Variants in SCD5 observed in about 807,000 individuals in gnomAD.
The protein encoded by SCD5 is stearoyl-CoA desaturase 5, also known as acyl-CoA-desaturase 4.
In SCD5, 20 loss-of-function variants were observed where a neutral mutation model predicts 30.4. That is an observed-to-expected ratio of 0.66 (90% confidence interval 0.46 to 0.96). The LOEUF is 0.96. SCD5 is among the 40% of genes least tolerant of loss of function. The pLI, the probability that SCD5 is intolerant of heterozygous loss-of-function variation, is 0.00. For missense variants in SCD5, 381 were observed against 443.3 expected (o/e 0.86, Z 1.26); for synonymous variants, 173 against 176.4 (o/e 0.98, Z 0.16).
At chr4:82,771,675 C>T (rs1721625948) in intron 1 of SCD5, among the ~76,000 whole-genome samples, 1 of 152,224 alleles carries the variant, frequency 6.6e-6, no homozygotes, top group Admixed American at 6.5e-5. Context: ...TGCCTCTCCA[C>T]CTGCCTCCTG....
intron 3 of SCD5, among the ~76,000 whole-genome samples, chr4:82,669,395 A>G (rs553656806): frequency 4.5e-4 from 69 of 152,318 alleles, no homozygotes; most frequent in South Asian, 4.3e-3. Context: ...AAGAAGTAAA[A>G]TGCTGAACAA....
chr4:82,779,775 A>G (rs1005547475), intron 1 of SCD5, among the ~76,000 whole-genome samples: 28 of 152,280 alleles, frequency 1.8e-4, no homozygotes, highest in African/African-American at 6.0e-4. Context: ...TCCTTACCCA[A>G]AACCTTGGGG....
At chr4:82,773,894 A>C (rs957535378) in intron 1 of SCD5, among the ~76,000 whole-genome samples, 5 of 152,108 alleles carry the variant, frequency 3.3e-5, no homozygotes, top group Non-Finnish European at 5.9e-5. Context: ...GTTTGAGACC[A>C]GCCTAGCCAA....
At chr4:82,789,940 T>TTTGTTG (rs371742153) in intron 1 of SCD5, among the ~76,000 whole-genome samples, 1 of 152,004 alleles carries the variant, frequency 6.6e-6, no homozygotes, top group African/African-American at 2.4e-5. Context: ...TTAGGGGTTT[T>TTTGTTG]TTGTTGTTGT....
chr4:82,688,052 C>A (rs1440820792), intron 2 of SCD5, among the ~76,000 whole-genome samples: 1 of 152,170 alleles, frequency 6.6e-6, no homozygotes, highest in East Asian at 1.9e-4. Flanking sequence ...TTGCTCCCAA[C>A]CAGACACCAA....
rs1368287717 is a variant in SCD5 at position 82,697,775 on chromosome 4, G to A, written c.363+7508C>T. ...TTCTCTCTCTCTTTCTTGCTCTCTCGCTCACCTGCTAGGCCACCTCCCACC... is the reference window on the plus strand; with the variant it reads ...TTCTCTCTCTCTTTCTTGCTCTCTCACTCACCTGCTAGGCCACCTCCCACC... On this transcript the variant is annotated intron_variant, in intron 2 of 4. Coordinates refer to ENST00000319540, the MANE Select transcript of SCD5 (RefSeq NM_001037582.3). Among the ~76,000 whole-genome samples the A allele has an allele frequency of 4.6e-5, 7 of 152,090 alleles. No individual in the cohort carries two copies. The East Asian group carries it at 5.8e-4, about 13-fold the overall frequency.
chr4:82,717,720 A>G (rs1171844668), intron 1 of SCD5, among the ~76,000 whole-genome samples: 1 of 151,744 alleles, frequency 6.6e-6, no homozygotes, highest in Non-Finnish European at 1.5e-5. Context: ...GTTCGAGACC[A>G]GCCTGGCAAA....
rs1367750178 is a variant in SCD5, at chr4:82,667,296, G to A, written c.569+13411C>T. Reference sequence around the variant, plus strand: ...CACACACACACACACACGCACGCACGCACGCATGCAAATTCTCCTAAAGCT... The same window carrying A: ...CACACACACACACACACGCACGCACACACGCATGCAAATTCTCCTAAAGCT... On this transcript the variant is annotated intron_variant, in intron 3 of 4. Transcript: ENST00000319540. Among the ~76,000 whole-genome samples, 4 of 151,946 alleles carry A rather than the reference G, an allele frequency of 2.6e-5. No individual in the cohort carries two copies. In the East Asian group the frequency reaches 5.8e-4, roughly 22 times the overall value.
chr4:82,665,589 T>C (rs1728168513), intron 3 of SCD5, among the ~76,000 whole-genome samples: 1 of 152,096 alleles, frequency 6.6e-6, no homozygotes, highest in Non-Finnish European at 1.5e-5. Flanking sequence ...CAGAATTTTA[T>C]GTCTGGTAAA....
At chr4:82,737,118 ATATTG>A (rs1368818556) in intron 1 of SCD5, among the ~76,000 whole-genome samples, 1 of 152,144 alleles carries the variant, frequency 6.6e-6, no homozygotes, top group Non-Finnish European at 1.5e-5. Context: ...CTTTCCAGAA[ATATTG>A]TACTAATTTA....
chr4:82,775,255 T>A (rs552636409), intron 1 of SCD5, among the ~76,000 whole-genome samples: 1 of 152,318 alleles, frequency 6.6e-6, no homozygotes. Context: ...CTTATTTCAC[T>A]CACGCCCTGG....
At chr4:82,673,781 G>C (rs1728378073) in intron 3 of SCD5, among the ~76,000 whole-genome samples, 1 of 152,162 alleles carries the variant, frequency 6.6e-6, no homozygotes. Flanking sequence ...AATCAAGACA[G>C]TGTGGTACTG....
At chr4:82,742,395 G>C (rs1720893899) in intron 1 of SCD5, among the ~76,000 whole-genome samples, 1 of 152,230 alleles carries the variant, frequency 6.6e-6, no homozygotes, top group South Asian at 2.1e-4. Flanking sequence ...CCACCTACTG[G>C]AGAGGCAGAG....
At chr4:82,652,749 A>C (rs897779573) in intron 3 of SCD5, among the ~76,000 whole-genome samples, 3 of 152,332 alleles carry the variant, frequency 2.0e-5, no homozygotes, top group South Asian at 2.1e-4. Context: ...TAGAACTTTA[A>C]ATTTTCAAGA....
At chr4:82,763,077 T>C (rs1034046512) in intron 1 of SCD5, among the ~76,000 whole-genome samples, 4 of 152,200 alleles carry the variant, frequency 2.6e-5, no homozygotes, top group African/African-American at 9.6e-5. Flanking sequence ...CAAGGCACTG[T>C]TCCTGGGGAG....
chr4:82,675,409 G>C (rs1025978073), intron 3 of SCD5, among the ~76,000 whole-genome samples: 10 of 152,138 alleles, frequency 6.6e-5, no homozygotes, highest in Admixed American at 5.9e-4. Flanking sequence ...GAATTGAGGT[G>C]AAACAGGCCT....
intron 1 of SCD5, among the ~76,000 whole-genome samples, chr4:82,778,691 T>C (rs1046205753): frequency 6.6e-6 from 1 of 152,168 alleles, no homozygotes; most frequent in African/African-American, 2.4e-5. Context: ...TCTGTCCAGG[T>C]AGTACCTATG....
At chr4:82,651,477 G>A (rs1446631038) in intron 3 of SCD5, among the ~76,000 whole-genome samples, 1 of 151,988 alleles carries the variant, frequency 6.6e-6, no homozygotes, top group Non-Finnish European at 1.5e-5. Flanking sequence ...AGGGTGGGGG[G>A]TGGTGAGGGA....
chr4:82,751,220 G>A (rs1475660237), intron 1 of SCD5, among the ~76,000 whole-genome samples: 1 of 152,156 alleles, frequency 6.6e-6, no homozygotes, highest in Non-Finnish European at 1.5e-5. Flanking sequence ...TTTAGAGACA[G>A]AGTCTCACTC....
Sources: allele counts gnomAD v4.1 joint callset (sites outside exome capture counted in the v4.1 genomes callset), GRCh38; gene constraint gnomAD v4.1.1; transcripts MANE v1.5; gene names NCBI Gene and HGNC (gene_info 2026-07-23, HGNC 2026-07-21).